TOP1MT: variants seen among roughly 807,000 people sequenced by gnomAD.
TOP1MT encodes DNA topoisomerase I, mitochondrial.
In TOP1MT, 80 loss-of-function variants were observed where a neutral mutation model predicts 73.9. That is an observed-to-expected ratio of 1.08 (90% CI 0.90 to 1.30). The LOEUF is 1.30. Among genes scored for constraint, TOP1MT ranks in the 50% most tolerant of loss-of-function variants. The probability of loss-of-function intolerance (pLI) is 0.00; values close to 1 mark genes in which losing one functional copy is unlikely to be tolerated. For synonymous variants in TOP1MT, 338 were observed against 326.4 expected, an observed-to-expected ratio of 1.04 and a Z score of -0.38; for missense variants, 815 against 808.0, an observed-to-expected ratio of 1.01 and a Z score of -0.10.
chr8:143,321,488 C>CTACA (rs1816355927), intron 7 of TOP1MT, 102 bp from the exon 8 acceptor site: 1 of 472,052 alleles, frequency 2.1e-6, no homozygotes. Context: ...CACACGCACG[C>CTACA]CACACACGCA....
rs1817183642 is a variant in TOP1MT, at chr8:143,344,377, G to C, written c.-39+539C>G. 1 of 152,310 alleles carries C rather than the reference G, an allele frequency of 6.6e-6. No individual in the cohort carries two copies. The highest frequency in any genetic ancestry group is 2.4e-5 in the African/African-American group (1 of 41,378). 9.4% of individuals were successfully genotyped at this position (152,310 alleles called of 1,614,324 possible). A position where few individuals can be genotyped will look rare whatever the true frequency, so the allele number is the denominator to read the frequency against. Reference sequence around the variant, plus strand: ...GAAGAAGGAGTGGCGGGACACCAGAGGGACAGGCTAGGAAGCACTCAGTAG... The same window carrying C: ...GAAGAAGGAGTGGCGGGACACCAGACGGACAGGCTAGGAAGCACTCAGTAG... On this transcript the variant is annotated intron_variant, in intron 1 of 5. Transcript: ENST00000518007. This position sits in a 1 kb window ranked among gnomAD's most constrained non-coding sequence, Gnocchi z 4.6.
intron 1 of TOP1MT, among the ~76,000 whole-genome samples, chr8:143,352,708 C>A (rs1342753666): frequency 6.6e-6 from 1 of 152,180 alleles, no homozygotes; most frequent in African/African-American, 2.4e-5. Context: ...TTCACTGCAG[C>A]CTTGAACTCC....
chr8:143,310,449 G>A (rs200166769), intron 12 of TOP1MT: 15 of 407,968 alleles, frequency 3.7e-5, no homozygotes, highest in South Asian at 1.3e-4. Context: ...TGAGCAGCCC[G>A]TCAGGACCTG....
At position 143,321,351 on chromosome 8, in the gene TOP1MT, AC is replaced by A; in HGVS notation, c.995del (p.Gly332ValfsTer73). 1 of 1,596,458 alleles carries A rather than the reference AC, an allele frequency of 6.3e-7. No individual in the cohort carries two copies. The highest frequency in any genetic ancestry group is 8.6e-7 in the Non-Finnish European group (1 of 1,167,056). ...ALRAGNEKED[G>X]EAADTVGCCS... is the part of the protein sequence containing the mutation. ...AGCAGCCCACGGTGTCGGCCGCCTCACCGTCCTCCTTCTCATTTCCTGCTCT... is the reference window on the plus strand; with the variant it reads ...AGCAGCCCACGGTGTCGGCCGCCTCACGTCCTCCTTCTCATTTCCTGCTCT... On this transcript the variant is annotated frameshift_variant, in exon 8 of 14. Coordinates refer to ENST00000329245, the MANE Select transcript of TOP1MT (RefSeq NM_052963.3). LOFTEE classifies it high-confidence loss of function.
chr8:143,326,761 C>T (rs999144905), intron 3 of TOP1MT, among the ~76,000 whole-genome samples: 1 of 152,178 alleles, frequency 6.6e-6, no homozygotes, highest in Admixed American at 6.5e-5. Context: ...GATACATGGT[C>T]GGGAGCTCAT....
intron 1 of TOP1MT, among the ~76,000 whole-genome samples, chr8:143,352,907 A>C (rs1257207546): frequency 6.6e-6 from 1 of 152,196 alleles, no homozygotes. Flanking sequence ...TCATAGGCAG[A>C]TAATGGTTTT....
chr8:143,331,216 A>G lies in TOP1MT; in HGVS notation c.238+8T>C, dbSNP rs1816844745. The G allele has an allele frequency of 6.3e-7, 1 of 1,595,870 alleles. No homozygotes were observed. The highest frequency in any genetic ancestry group is 8.6e-7 in the Non-Finnish European group (1 of 1,166,476). On this transcript the variant is annotated splice_region_variant and intron_variant, in intron 2 of 13. Transcript: ENST00000329245. ...AGGCTGGGGAGGAGCCGCTCCCTGCATCCTTACCTTCATAGAAGAAACGCA... is the reference window on the plus strand; with the variant it reads ...AGGCTGGGGAGGAGCCGCTCCCTGCGTCCTTACCTTCATAGAAGAAACGCA...
At chr8:143,325,293 T>C in intron 5 of TOP1MT, 53 bp downstream of exon 5, 1 of 1,509,106 alleles carries the variant, frequency 6.6e-7, no homozygotes. Context: ...AAAGCCAGCC[T>C]CACCCGGGTG....
At chr8:143,342,863 C>T (rs1327087939) in intron 2 of TOP1MT, among the ~76,000 whole-genome samples, 3 of 150,334 alleles carry the variant, frequency 2.0e-5, no homozygotes, top group Non-Finnish European at 1.5e-5. Context: ...CGGCTCACTG[C>T]AACCTCTGCC....
intron 7 of TOP1MT, among the ~76,000 whole-genome samples, chr8:143,322,908 ACG>A (rs1161595438): frequency 1.0e-4 from 8 of 78,264 alleles, no homozygotes; most frequent in Admixed American, 1.9e-4. Flanking sequence ...CACGCCACAC[ACG>A]CACGCCACAC....
intron 1 of TOP1MT, among the ~76,000 whole-genome samples, chr8:143,354,321 TCTGTTTACA>T (rs1165937002): frequency 6.6e-6 from 1 of 152,084 alleles, no homozygotes; most frequent in Non-Finnish European, 1.5e-5. Context: ...ACTGCAGGAT[TCTGTTTACA>T]GGAAATATCC....
At chr8:143,326,874 T>C (rs539041607) in intron 3 of TOP1MT, among the ~76,000 whole-genome samples, 1 of 152,154 alleles carries the variant, frequency 6.6e-6, no homozygotes, top group Non-Finnish European at 1.5e-5. Context: ...GTCACAGCTC[T>C]GGGGGCTGGA....
chr8:143,321,181 G>A lies in TOP1MT; in HGVS notation c.1146+20C>T. The A allele has an allele frequency of 4.5e-6, 7 of 1,562,234 alleles. No homozygotes were observed. The highest frequency in any genetic ancestry group is 6.1e-6 in the Non-Finnish European group (7 of 1,149,088). ...AAATACGTGTCACATAGCGGGGGCAGCTGGCGCGAGGGCACTCACCGGCTT... is the reference window on the plus strand; with the variant it reads ...AAATACGTGTCACATAGCGGGGGCAACTGGCGCGAGGGCACTCACCGGCTT... On this transcript the variant is annotated intron_variant, in intron 8 of 13. Transcript: ENST00000329245.
intron 3 of TOP1MT, chr8:143,328,157 G>C: frequency 4.6e-6 from 2 of 433,280 alleles, no homozygotes; most frequent in South Asian, 3.3e-5. Context: ...TCATATTTCT[G>C]ATAATGGACT....
At chr8:143,343,448 C>T (rs754527268) in intron 1 of TOP1MT, 2 of 348,904 alleles carry the variant, frequency 5.7e-6, no homozygotes, top group Non-Finnish European at 1.1e-5. Context: ...TGGTGACCCA[C>T]GTGCTGGGCA....
chr8:143,329,364 TGAA>T lies in TOP1MT; in HGVS notation c.343_345del (p.Phe115del). Reference sequence around the variant, plus strand: ...AGGGTACCTACCTTTCGCCAGTCATTGAAGAAGTTCTTCCGGAAAACCTCCTTT... The same window carrying T: ...AGGGTACCTACCTTTCGCCAGTCATTGAAGTTCTTCCGGAAAACCTCCTTT... On this transcript the variant is annotated inframe_deletion, in exon 3 of 14. Transcript: ENST00000329245. 1 of 1,607,784 alleles carries T rather than the reference TGAA, an allele frequency of 6.2e-7. No individual in the cohort carries two copies. The highest frequency in any genetic ancestry group is 8.5e-7 in the Non-Finnish European group (1 of 1,178,332).
At chr8:143,332,753 C>G in intron 1 of TOP1MT, 1 of 396,400 alleles carries the variant, frequency 2.5e-6, no homozygotes, top group South Asian at 1.9e-5. Flanking sequence ...CAGGGTGGAG[C>G]CGGGCGTGGT....
rs1410568281 is a variant in TOP1MT at position 143,325,546 on chromosome 8, A to C, written c.484-13T>G. The C allele has an allele frequency of 6.2e-7, 1 of 1,602,038 alleles. No individual in the cohort carries two copies. Among genetic ancestry groups the C allele is most frequent in the Admixed American group, 1.7e-5 (1 of 59,706 alleles). Reference sequence around the variant, plus strand: ...CTTCTTTTAGCTTCTGAGTTAATAAAACAGTCAGTGGACATTAGCAGTGAA... The same window carrying C: ...CTTCTTTTAGCTTCTGAGTTAATAACACAGTCAGTGGACATTAGCAGTGAA... On this transcript the variant is annotated splice_polypyrimidine_tract_variant and intron_variant, in intron 4 of 13. Coordinates refer to ENST00000329245, the MANE Select transcript of TOP1MT (RefSeq NM_052963.3).
chr8:143,317,881 C>A, intron 9 of TOP1MT, 44 bp from the exon 10 acceptor site: 1 of 1,603,678 alleles, frequency 6.2e-7, no homozygotes, highest in Non-Finnish European at 8.5e-7. Flanking sequence ...TTTTGCGGGG[C>A]CGTCCCAGCC....
Sources: gnomAD v4.1 joint callset for allele counts (sites outside exome capture counted in the v4.1 genomes callset) on GRCh38, gnomAD v4.1.1 for gene constraint, Gnocchi (gnomAD v3.1) non-coding constraint, MANE v1.5 for transcripts, NCBI Gene and HGNC (gene_info 2026-07-23, HGNC 2026-07-21) for gene names.